Variants in IL1RAPL2 observed in about 807,000 individuals in gnomAD.
The protein encoded by IL1RAPL2 is X-linked interleukin-1 receptor accessory protein-like 2.
In IL1RAPL2, 3 loss-of-function variants were observed where a neutral mutation model predicts 44.1. The ratio of observed to expected loss-of-function variants is 0.07; its 90% CI spans 0.03 to 0.18. IL1RAPL2 has a LOEUF of 0.18. IL1RAPL2 is among the 10% of genes least tolerant of loss of function. The probability of loss-of-function intolerance (pLI) is 1.00; values close to 1 mark genes in which losing one functional copy is unlikely to be tolerated. For missense variants in IL1RAPL2, 391 were observed against 496.4 expected (o/e 0.79, Z 2.02); for synonymous variants, 181 against 178.8 (o/e 1.01, Z -0.10).
At chrX:104,651,608 A>T (rs1428313568) in intron 1 of IL1RAPL2, among the ~76,000 whole-genome samples, 1 of 111,847 alleles carries the variant, frequency 8.9e-6, no homozygotes, top group Non-Finnish European at 1.9e-5. Context: ...GGTTTGCGGT[A>T]AGGAGAGCTT....
chrX:104,896,491 G>A lies in IL1RAPL2; in HGVS notation c.82+237496G>A, dbSNP rs757567154. On this transcript the variant is annotated intron_variant, in intron 2 of 10. Transcript: ENST00000372582. ...GTTGGGGTGTCCTGTTTAGAGGGGA[G>A]ATTGAGAGTTCAAGGCAGCTGGGCT... Among the ~76,000 whole-genome samples the A allele has an allele frequency of 1.4e-3, 160 of 111,735 alleles. 1 individual carries two copies. The highest frequency in any genetic ancestry group is 4.8e-3 in the African/African-American group (148 of 30,717).
chrX:105,254,419 ATTTG>A (rs1484968909), intron 4 of IL1RAPL2, among the ~76,000 whole-genome samples: 4 of 110,786 alleles, frequency 3.6e-5, no homozygotes, highest in Admixed American at 2.9e-4. Context: ...TCTCTTGGAG[ATTTG>A]TTTAAGTTCC....
intron 2 of IL1RAPL2, among the ~76,000 whole-genome samples, chrX:104,676,857 C>A: frequency 8.9e-6 from 1 of 111,946 alleles, no homozygotes; most frequent in Non-Finnish European, 1.9e-5. Context: ...ATTTTATCTT[C>A]CATCGCTGAT....
intron 4 of IL1RAPL2, among the ~76,000 whole-genome samples, chrX:105,236,597 C>T (rs1001559501): frequency 1.2e-4 from 13 of 111,282 alleles, no homozygotes; most frequent in African/African-American, 4.2e-4. Flanking sequence ...AGTTTGGCTA[C>T]TAGCCCCACT....
intron 6 of IL1RAPL2, among the ~76,000 whole-genome samples, chrX:105,501,728 G>A (rs1001957685): frequency 8.9e-6 from 1 of 111,976 alleles, no homozygotes; most frequent in Non-Finnish European, 1.9e-5. Flanking sequence ...GTGGCTTAAC[G>A]TAAGAAAAGT....
At chrX:105,472,886 T>C (rs1191474983) in intron 5 of IL1RAPL2, among the ~76,000 whole-genome samples, 2 of 111,850 alleles carry the variant, frequency 1.8e-5, no homozygotes, top group African/African-American at 6.5e-5. Context: ...TTTGAAATAT[T>C]ATTACATATT....
At chrX:104,948,890 G>T (rs1317859913) in intron 2 of IL1RAPL2, among the ~76,000 whole-genome samples, 1 of 109,931 alleles carries the variant, frequency 9.1e-6, no homozygotes, top group Non-Finnish European at 1.9e-5. Flanking sequence ...TTTTTTGGTT[G>T]TGTCTCTGCC....
intron 3 of IL1RAPL2, among the ~76,000 whole-genome samples, chrX:105,210,549 G>C: frequency 9.0e-6 from 1 of 111,088 alleles, no homozygotes; most frequent in Non-Finnish European, 1.9e-5. Context: ...GTTGAGGCTA[G>C]GGATTTTGCT....
At chrX:105,273,776 A>G (rs1211920042) in intron 5 of IL1RAPL2, among the ~76,000 whole-genome samples, 1 of 112,087 alleles carries the variant, frequency 8.9e-6, no homozygotes, top group East Asian at 2.8e-4. Flanking sequence ...TACATGTTAG[A>G]TAAATGTATA....
chrX:105,165,927 G>A (rs185980940), intron 2 of IL1RAPL2, among the ~76,000 whole-genome samples: 4 of 111,152 alleles, frequency 3.6e-5, no homozygotes, highest in East Asian at 5.7e-4. Context: ...TCTTTCTTTC[G>A]TGGTATATTG....
chrX:105,180,706 A>G (rs2033522756), intron 2 of IL1RAPL2, among the ~76,000 whole-genome samples: 1 of 111,726 alleles, frequency 9.0e-6, no homozygotes, highest in Non-Finnish European at 1.9e-5. Flanking sequence ...ATCTCAGTGT[A>G]TTATCTTTTT....
intron 3 of IL1RAPL2, among the ~76,000 whole-genome samples, chrX:105,201,706 T>C (rs1405963745): frequency 9.0e-5 from 10 of 111,717 alleles, no homozygotes; most frequent in African/African-American, 3.3e-4. Flanking sequence ...TACCTAGAGA[T>C]TTTCAAGGAC....
chrX:104,815,166 G>T (rs1383996356), intron 2 of IL1RAPL2, among the ~76,000 whole-genome samples: 1 of 111,487 alleles, frequency 9.0e-6, no homozygotes, highest in Non-Finnish European at 1.9e-5. Flanking sequence ...AAATAATTGG[G>T]ATAGGGAAAG....
intron 2 of IL1RAPL2, among the ~76,000 whole-genome samples, chrX:104,677,986 G>A (rs1033214737): frequency 2.7e-5 from 3 of 112,080 alleles, no homozygotes; most frequent in African/African-American, 6.5e-5. Flanking sequence ...ACTGACCTGC[G>A]CCCACTGTCT....
At chrX:104,990,589 A>G (rs1328780101) in intron 2 of IL1RAPL2, among the ~76,000 whole-genome samples, 1 of 111,774 alleles carries the variant, frequency 8.9e-6, no homozygotes, top group Non-Finnish European at 1.9e-5. Context: ...ACATCTTGCA[A>G]AAGAATATAA....
intron 2 of IL1RAPL2, among the ~76,000 whole-genome samples, chrX:104,691,355 A>G (rs1931089451): frequency 9.0e-6 from 1 of 111,660 alleles, no homozygotes; most frequent in African/African-American, 3.3e-5. Flanking sequence ...TTAAAGGTCT[A>G]CCATGTTGGA....
intron 2 of IL1RAPL2, among the ~76,000 whole-genome samples, chrX:105,118,743 G>A (rs767183443): frequency 5.3e-4 from 59 of 112,259 alleles, no homozygotes; most frequent in Non-Finnish European, 8.3e-4. Flanking sequence ...TCCTGTTTGG[G>A]AAAACTCATG....
intron 2 of IL1RAPL2, among the ~76,000 whole-genome samples, chrX:104,982,153 G>T (rs1347331660): frequency 9.0e-6 from 1 of 110,971 alleles, no homozygotes; most frequent in Non-Finnish European, 1.9e-5. Context: ...AAGGTAGAAA[G>T]AAAAAACTGA....
At chrX:105,203,134 G>A (rs1471150585) in intron 3 of IL1RAPL2, among the ~76,000 whole-genome samples, 2 of 111,916 alleles carry the variant, frequency 1.8e-5, no homozygotes, top group Non-Finnish European at 3.8e-5. Context: ...CTTCCAGCCT[G>A]TTACCACAGA....
Sources: gnomAD v4.1 joint callset for allele counts (sites outside exome capture counted in the v4.1 genomes callset) on GRCh38, gnomAD v4.1.1 for gene constraint, MANE v1.5 for transcripts, NCBI Gene and HGNC (gene_info 2026-07-23, HGNC 2026-07-21) for gene names.